Variants in NALF1 observed in about 807,000 individuals in gnomAD.
The protein encoded by NALF1 is family with sequence similarity 155 member A.
Under a neutral mutation model 48.4 loss-of-function variants are expected in NALF1, and 3 were observed. The observed-to-expected ratio is 0.06, with a 90% CI of 0.03 to 0.16. The LOEUF (loss-of-function observed/expected upper bound fraction) is 0.16. NALF1 is among the 10% of genes least tolerant of loss of function. NALF1 has a pLI of 1.00. For synonymous variants in NALF1, 262 were observed against 245.7 expected, an observed-to-expected ratio of 1.07 and a Z score of -0.62; for missense variants, 526 against 571.5, an observed-to-expected ratio of 0.92 and a Z score of 0.81.
chr13:107,572,478 C>T (rs1174414947), intron 1 of NALF1, among the ~76,000 whole-genome samples: 7 of 152,312 alleles, frequency 4.6e-5, no homozygotes, highest in African/African-American at 7.2e-5. Context: ...CTCAAAAAAA[C>T]TGTCACAAAA....
At chr13:107,425,544 T>G (rs115805625) in intron 1 of NALF1, among the ~76,000 whole-genome samples, 2,433 of 152,276 alleles carry the variant, frequency 0.016, 65 homozygotes, top group African/African-American at 0.055. Flanking sequence ...GTTGAATATT[T>G]ATGTACTGTG....
At chr13:107,356,520 T>C (rs890410158) in intron 1 of NALF1, among the ~76,000 whole-genome samples, 1 of 152,178 alleles carries the variant, frequency 6.6e-6, no homozygotes, top group Non-Finnish European at 1.5e-5. Context: ...AAACTACAAA[T>C]TAAGACATTC....
At chr13:107,350,825 G>A (rs1882859687) in intron 1 of NALF1, among the ~76,000 whole-genome samples, 1 of 152,202 alleles carries the variant, frequency 6.6e-6, no homozygotes, top group South Asian at 2.1e-4. Flanking sequence ...TGCTGAATGT[G>A]TGGGTCTTGG....
intron 1 of NALF1, among the ~76,000 whole-genome samples, chr13:107,649,029 TG>T (rs992529756): frequency 6.6e-6 from 1 of 152,248 alleles, no homozygotes; most frequent in African/African-American, 2.4e-5. Flanking sequence ...AAATTTGTAC[TG>T]TTTGTCTTTG....
At chr13:107,681,259 C>G (rs566518861) in intron 1 of NALF1, among the ~76,000 whole-genome samples, 1 of 152,092 alleles carries the variant, frequency 6.6e-6, no homozygotes, top group African/African-American at 2.4e-5. Context: ...GAATCAGGAG[C>G]CCAAAATAGT....
chr13:107,555,185 CTG>C (rs1877423633), intron 1 of NALF1, among the ~76,000 whole-genome samples: 2 of 152,098 alleles, frequency 1.3e-5, no homozygotes, highest in South Asian at 4.1e-4. Flanking sequence ...GGGCTCCAAA[CTG>C]GATATTACGC....
intron 1 of NALF1, among the ~76,000 whole-genome samples, chr13:107,582,839 T>A (rs1878353227): frequency 6.6e-6 from 1 of 152,160 alleles, no homozygotes; most frequent in South Asian, 2.1e-4. Context: ...CTTTCATGTG[T>A]AATCAATGTG....
In NALF1 at chr13:107,164,319, A is replaced by C. The variant is rs2138755008; in HGVS notation, c.*6178T>G. The C allele has an allele frequency of 6.6e-6, 1 of 152,270 alleles. No homozygotes were observed. The highest frequency in any genetic ancestry group is 1.9e-4 in the East Asian group (1 of 5,188). The allele number at this position is 152,270 out of a possible 1,614,324, so 9.4% of individuals were successfully genotyped here. A position where few individuals can be genotyped will look rare whatever the true frequency, so the allele number is the denominator to read the frequency against. On this transcript the variant is annotated 3_prime_UTR_variant, in exon 3 of 3. Coordinates refer to ENST00000375915, the MANE Select transcript of NALF1 (RefSeq NM_001080396.3). ...TCTATTTCCATATACTTTATCAAAA[A>C]CTGAACAGGTTTTCTAACTTTTTCA... is the stretch of plus-strand genomic sequence containing the variant.
At chr13:107,281,543 C>A (rs569426800) in intron 1 of NALF1, among the ~76,000 whole-genome samples, 1 of 152,198 alleles carries the variant, frequency 6.6e-6, no homozygotes, top group Admixed American at 6.5e-5. Flanking sequence ...GAAAGGGCTG[C>A]AAAAAGTGAC....
chr13:107,854,868 CAAAAA>C (rs35071894), intron 1 of NALF1, among the ~76,000 whole-genome samples: 1 of 81,950 alleles, frequency 1.2e-5, no homozygotes, highest in Non-Finnish European at 2.4e-5. Context: ...GGTTCCATCT[CAAAAA>C]AAAAAAAAAA....
At chr13:107,393,608 A>G (rs978563542) in intron 1 of NALF1, among the ~76,000 whole-genome samples, 1 of 152,210 alleles carries the variant, frequency 6.6e-6, no homozygotes, top group African/African-American at 2.4e-5. Flanking sequence ...TCCCTTCAAT[A>G]GAAATGAAAA....
In NALF1 at chr13:107,723,922, C is replaced by T. The variant is rs371014733; in HGVS notation, c.915+141760G>A. On this transcript the variant is annotated intron_variant, in intron 1 of 2. Transcript: ENST00000375915. ...TATTCTTATATATTGTTATATTTAACAATATTCTTTAATTTTTTCATGCAA... is the reference window on the plus strand; with the variant it reads ...TATTCTTATATATTGTTATATTTAATAATATTCTTTAATTTTTTCATGCAA... 1.2e-4 allele frequency among the ~76,000 whole-genome samples: 18 copies of T among 152,122 alleles called. No individual in the cohort carries two copies. The South Asian group carries it at 1.2e-3, about 11-fold the overall frequency.
chr13:107,383,782 C>A lies in NALF1; in HGVS notation c.916-173027G>T, dbSNP rs201415622. Among the ~76,000 whole-genome samples the A allele has an allele frequency of 3.3e-5, 5 of 152,022 alleles. No homozygotes were observed. The East Asian group carries it at 9.6e-4, about 29-fold the overall frequency. ...CAAATTCATGGCATGTAATTATAGC[C>A]CAGTTTAAGAAGAAAAAGCCTTTGA... On this transcript the variant is annotated intron_variant, in intron 1 of 2. Coordinates refer to ENST00000375915, the MANE Select transcript of NALF1 (RefSeq NM_001080396.3).
At chr13:107,704,727 C>T (rs1373416945) in intron 1 of NALF1, among the ~76,000 whole-genome samples, 1 of 152,110 alleles carries the variant, frequency 6.6e-6, no homozygotes, top group Non-Finnish European at 1.5e-5. Flanking sequence ...GGACAGGGAA[C>T]CCCACCTTTC....
intron 1 of NALF1, among the ~76,000 whole-genome samples, chr13:107,521,149 C>A (rs151058349): frequency 1.3e-5 from 2 of 152,068 alleles, no homozygotes; most frequent in African/African-American, 4.8e-5. Context: ...CTTTAAACTG[C>A]GATGTGATAC....
At chr13:107,618,316 T>C (rs1879433636) in intron 1 of NALF1, among the ~76,000 whole-genome samples, 1 of 152,174 alleles carries the variant, frequency 6.6e-6, no homozygotes. Context: ...AAACTGGACC[T>C]GGTGGAAGGT....
At chr13:107,417,703 A>G (rs1343386735) in intron 1 of NALF1, among the ~76,000 whole-genome samples, 2 of 152,142 alleles carry the variant, frequency 1.3e-5, no homozygotes, top group African/African-American at 2.4e-5. Flanking sequence ...AATGTATTAA[A>G]TGGAAGGATT....
chr13:107,407,291 G>A (rs74629997), intron 1 of NALF1, among the ~76,000 whole-genome samples: 2,028 of 151,932 alleles, frequency 0.013, 23 homozygotes, highest in South Asian at 0.033. Flanking sequence ...AAGCTGCACA[G>A]CAAAGGAAAT....
chr13:107,395,570 G>A (rs114502560), intron 1 of NALF1, among the ~76,000 whole-genome samples: 4,845 of 152,146 alleles, frequency 0.032, 100 homozygotes, highest in Middle Eastern at 0.065. Flanking sequence ...ATCTTCCTAC[G>A]TCATTAGGGC....
Sources: allele counts gnomAD v4.1 joint callset (sites outside exome capture counted in the v4.1 genomes callset), GRCh38; gene constraint gnomAD v4.1.1; transcripts MANE v1.5; gene names NCBI Gene and HGNC (gene_info 2026-07-23, HGNC 2026-07-21).